Variants in AAK1 observed in about 807,000 individuals in gnomAD.
AAK1 encodes AP2-associated protein kinase 1.
In AAK1, 37 loss-of-function variants were observed where a neutral mutation model predicts 116.0. That is an observed-to-expected ratio of 0.32 (90% CI 0.25 to 0.42). The LOEUF (loss-of-function observed/expected upper bound fraction) is 0.42, where lower values mean the gene tolerates loss of function less well. Ranked by LOEUF, AAK1 falls within the 10% of genes least tolerant of loss-of-function variation. The probability of loss-of-function intolerance (pLI) is 1.00; values close to 1 mark genes in which losing one functional copy is unlikely to be tolerated. For synonymous variants in AAK1, 458 were observed against 439.9 expected (o/e 1.04, Z -0.51); for missense variants, 919 against 1,170.6 (o/e 0.79, Z 3.14).
Position 69,473,366 on chromosome 2 carries a change from C to T in AAK1, c.*2503G>A. ...GGACACTATGCTCAACTCAAATAAA[C>T]TCTTTCAGCTCAGGGATGATGCTCT... On this transcript the variant is annotated 3_prime_UTR_variant, in exon 22 of 22. Transcript: ENST00000409085. The T allele has an allele frequency of 1.0e-6, 1 of 985,518 alleles. No homozygotes were observed. Among genetic ancestry groups the T allele is most frequent in the African/African-American group, 1.7e-5 (1 of 57,378 alleles). The allele number at this position is 985,518 out of a possible 1,614,324, so 61.0% of individuals were successfully genotyped here.
In AAK1 at chr2:69,459,683, T is replaced by C. The variant is rs925605472; in HGVS notation, c.*16186A>G. On this transcript the variant is annotated 3_prime_UTR_variant, in exon 22 of 22. Coordinates refer to ENST00000409085, the MANE Select transcript of AAK1 (RefSeq NM_014911.5). Reference sequence around the variant, plus strand: ...GATCATTCAACTGTGCCATTCATCATGCACTTATTGACATGCTCAAAATAG... The same window carrying C: ...GATCATTCAACTGTGCCATTCATCACGCACTTATTGACATGCTCAAAATAG... 2 of 152,236 alleles carry C rather than the reference T, an allele frequency of 1.3e-5. No individual in the cohort carries two copies. The highest frequency in any genetic ancestry group is 6.5e-5 in the Admixed American group (1 of 15,290). The allele number at this position is 152,236 out of a possible 1,614,324, so 9.4% of individuals were successfully genotyped here. A position where few individuals can be genotyped will look rare whatever the true frequency, so the allele number is the denominator to read the frequency against.
chr2:69,589,479 C>A (rs1300037681), intron 2 of AAK1, among the ~76,000 whole-genome samples: 1 of 151,966 alleles, frequency 6.6e-6, no homozygotes, highest in East Asian at 1.9e-4. Context: ...GAGGCCGAGG[C>A]AGGCAGATCA....
intron 19 of AAK1, among the ~76,000 whole-genome samples, chr2:69,480,158 A>AT (rs1033891677): frequency 1.3e-5 from 2 of 149,662 alleles, no homozygotes; most frequent in East Asian, 2.0e-4. Flanking sequence ...TTTGGAGGTA[A>AT]TTTTTTTTTC....
At chr2:69,575,204 G>C (rs531920087) in intron 2 of AAK1, among the ~76,000 whole-genome samples, 1 of 151,842 alleles carries the variant, frequency 6.6e-6, no homozygotes, top group East Asian at 1.9e-4. Context: ...CCAAACTTGA[G>C]GCTTGTTAAG....
chr2:69,643,702 C>T lies in AAK1; in HGVS notation c.-362G>A, dbSNP rs887291738. 38 of 1,217,298 alleles carry T rather than the reference C, an allele frequency of 3.1e-5. No homozygotes were observed. The highest frequency in any genetic ancestry group is 2.0e-6 in the Non-Finnish European group (2 of 978,840). 75.4% of individuals were successfully genotyped at this position (1,217,298 alleles called of 1,614,324 possible). On this transcript the variant is annotated 5_prime_UTR_variant, in exon 1 of 22. Coordinates refer to ENST00000409085, the MANE Select transcript of AAK1 (RefSeq NM_014911.5). ...GCCGGGGCCGCGCTCGGCTCCCGCCCGCCCGCCAGCTGATCCCGGGAGCGC... is the reference window on the plus strand; with the variant it reads ...GCCGGGGCCGCGCTCGGCTCCCGCCTGCCCGCCAGCTGATCCCGGGAGCGC...
At chr2:69,576,653 C>A (rs1226972001) in intron 2 of AAK1, among the ~76,000 whole-genome samples, 1 of 152,158 alleles carries the variant, frequency 6.6e-6, no homozygotes, top group Non-Finnish European at 1.5e-5. Context: ...GGTATAAACA[C>A]ATAAGCATTC....
At chr2:69,600,549 G>C (rs928244813) in intron 2 of AAK1, among the ~76,000 whole-genome samples, 2 of 152,146 alleles carry the variant, frequency 1.3e-5, no homozygotes, top group East Asian at 1.9e-4. Context: ...CTGAATTGTC[G>C]CAATCTCATG....
chr2:69,590,732 C>A (rs991999573), intron 2 of AAK1, among the ~76,000 whole-genome samples: 16 of 152,248 alleles, frequency 1.1e-4, no homozygotes, highest in Non-Finnish European at 1.6e-4. Context: ...AAAGCCTCAA[C>A]TTCTCTAAAG....
At position 69,459,485 on chromosome 2, in the gene AAK1, A is replaced by C. The variant is rs1674289363; in HGVS notation, c.*16384T>G. On this transcript the variant is annotated 3_prime_UTR_variant, in exon 22 of 22. Coordinates refer to ENST00000409085, the MANE Select transcript of AAK1 (RefSeq NM_014911.5). The stretch of plus-strand genomic sequence containing the variant: ...TGCCATGTTGCCCAGGTTGGTCTTG[A>C]ACTCATGAGCTCAAGCGATCGGCCC... 6.6e-6 allele frequency: 1 copy of C among 152,198 alleles called. No homozygotes were observed. Among genetic ancestry groups the C allele is most frequent in the Non-Finnish European group, 1.5e-5 (1 of 68,130 alleles). The allele number at this position is 152,198 out of a possible 1,614,324, so 9.4% of individuals were successfully genotyped here. A position where few individuals can be genotyped will look rare whatever the true frequency, so the allele number is the denominator to read the frequency against.
chr2:69,533,427 T>C (rs1362687813), intron 5 of AAK1, among the ~76,000 whole-genome samples: 1 of 152,184 alleles, frequency 6.6e-6, no homozygotes, highest in Non-Finnish European at 1.5e-5. Context: ...ACTGGTCAAT[T>C]ATAATAGTCT....
intron 2 of AAK1, among the ~76,000 whole-genome samples, chr2:69,637,368 C>T (rs1330612632): frequency 6.6e-6 from 1 of 152,160 alleles, no homozygotes; most frequent in Non-Finnish European, 1.5e-5. Context: ...ACTGTGAGGT[C>T]CTCAAGGCAC....
intron 2 of AAK1, among the ~76,000 whole-genome samples, chr2:69,593,682 C>T (rs185225802): frequency 6.6e-6 from 1 of 152,184 alleles, no homozygotes; most frequent in East Asian, 1.9e-4. Context: ...GAATTAGTTG[C>T]AGTAAAATTT....
At chr2:69,483,673 C>T (rs1572883157) in intron 17 of AAK1, among the ~76,000 whole-genome samples, 1 of 152,278 alleles carries the variant, frequency 6.6e-6, no homozygotes, top group East Asian at 1.9e-4. Flanking sequence ...CACACCTAAG[C>T]TGACTTCAAC....
At position 69,466,300 on chromosome 2, in the gene AAK1, T is replaced by C; in HGVS notation, c.*9569A>G. The C allele has an allele frequency of 7.8e-7, 1 of 1,289,728 alleles. No individual in the cohort carries two copies. Among genetic ancestry groups the C allele is most frequent in the Non-Finnish European group, 1.0e-6 (1 of 988,844 alleles). The allele number at this position is 1,289,728 out of a possible 1,614,324, so 79.9% of individuals were successfully genotyped here. ...CTCTCATCTTCTTCTTCAGACTCCA[T>C]AAGGAGAGGCCGAGACCCACTGCAG... On this transcript the variant is annotated 3_prime_UTR_variant, in exon 22 of 22. Coordinates refer to ENST00000409085, the MANE Select transcript of AAK1 (RefSeq NM_014911.5).
intron 2 of AAK1, among the ~76,000 whole-genome samples, chr2:69,635,526 C>G (rs529842253): frequency 6.6e-6 from 1 of 152,142 alleles, no homozygotes; most frequent in South Asian, 2.1e-4. Flanking sequence ...TTCACAATAG[C>G]TAAAAGGTGG....
Position 69,462,965 on chromosome 2 carries a change from T to C in AAK1, c.*12904A>G, listed in dbSNP as rs902001836. ...GTTTCTGGCACAGTTGAAACCTTAG[T>C]TGGAAAACCAAACCTTGGCACAGTG... On this transcript the variant is annotated 3_prime_UTR_variant, in exon 22 of 22. Transcript: ENST00000409085. The C allele has an allele frequency of 3.9e-5, 6 of 152,226 alleles. No individual in the cohort carries two copies. The highest frequency in any genetic ancestry group is 4.8e-5 in the African/African-American group (2 of 41,454). 9.4% of individuals were successfully genotyped at this position (152,226 alleles called of 1,614,324 possible).
intron 8 of AAK1, among the ~76,000 whole-genome samples, chr2:69,527,656 G>A (rs1670078311): frequency 6.6e-6 from 1 of 152,110 alleles, no homozygotes; most frequent in South Asian, 2.1e-4. Flanking sequence ...CTTACCATGG[G>A]CTTCCTTGGT....
At position 69,530,249 on chromosome 2, in the gene AAK1, ATAGACTAT is replaced by A. The variant is rs1054902664; in HGVS notation, c.739-117_739-110del. ...ACATTTACTAGCAGATACAAAAACT[ATAGACTAT>A]TAATGTATTAGAAACATGAGTTTTA... is the stretch of plus-strand genomic sequence containing the variant. On this transcript the variant is annotated intron_variant, in intron 7 of 21. Transcript: ENST00000409085. The A allele has an allele frequency of 1.9e-5, 22 of 1,142,630 alleles. No individual in the cohort carries two copies. In the African/African-American group the frequency reaches 3.2e-4, roughly 16 times the overall value. 70.8% of individuals were successfully genotyped at this position (1,142,630 alleles called of 1,614,324 possible).
chr2:69,602,625 G>C (rs1015562092), intron 2 of AAK1, among the ~76,000 whole-genome samples: 24 of 152,068 alleles, frequency 1.6e-4, no homozygotes, highest in African/African-American at 4.3e-4. Flanking sequence ...GAAAAGAAAA[G>C]GACAAGATGA....
Sources: allele counts gnomAD v4.1 joint callset (sites outside exome capture counted in the v4.1 genomes callset), GRCh38; gene constraint gnomAD v4.1.1; transcripts MANE v1.5; gene names NCBI Gene and HGNC (gene_info 2026-07-23, HGNC 2026-07-21).